CHN2: variants seen among roughly 807,000 people sequenced by gnomAD.
CHN2 encodes chimerin 2.
CHN2 carries 35 observed loss-of-function variants against 56.3 expected under a neutral mutation model. The observed-to-expected ratio is 0.62, with a 90% CI of 0.47 to 0.82. CHN2 has a LOEUF of 0.82. Ranked by LOEUF, CHN2 falls within the 40% of genes least tolerant of loss-of-function variation. The pLI, the probability that CHN2 is intolerant of heterozygous loss-of-function variation, is 0.00. For missense variants in CHN2, 491 were observed against 580.5 expected (o/e 0.85, Z 1.58); for synonymous variants, 210 against 212.8 (o/e 0.99, Z 0.12).
intron 5 of CHN2, among the ~76,000 whole-genome samples, chr7:29,399,243 C>T (rs1009263448): frequency 8.5e-5 from 13 of 152,190 alleles, no homozygotes; most frequent in Non-Finnish European, 1.5e-4. Flanking sequence ...GAGGCTGCAG[C>T]GTCTTTGCCT....
At chr7:29,409,457 G>A (rs1802988117) in intron 6 of CHN2, among the ~76,000 whole-genome samples, 1 of 152,084 alleles carries the variant, frequency 6.6e-6, no homozygotes, top group Non-Finnish European at 1.5e-5. Context: ...TGAGAATATT[G>A]GCATTGTTTT....
intron 2 of CHN2, among the ~76,000 whole-genome samples, chr7:29,161,958 A>G (rs1213384916): frequency 6.6e-6 from 1 of 152,242 alleles, no homozygotes; most frequent in African/African-American, 2.4e-5. Flanking sequence ...AATGTAAGTT[A>G]AAATCACCAA....
intron 6 of CHN2, among the ~76,000 whole-genome samples, chr7:29,450,923 A>G (rs535954323): frequency 2.6e-5 from 4 of 152,004 alleles, no homozygotes; most frequent in African/African-American, 9.6e-5. Flanking sequence ...GGCCCCCACC[A>G]TCACGCCCGG....
chr7:29,320,545 A>T (rs929639700), intron 1 of CHN2, among the ~76,000 whole-genome samples: 2 of 152,218 alleles, frequency 1.3e-5, no homozygotes, highest in Non-Finnish European at 2.9e-5. Flanking sequence ...TGAAAGAAAC[A>T]TCAAAACCAA....
intron 6 of CHN2, among the ~76,000 whole-genome samples, chr7:29,452,055 G>C (rs1322345214): frequency 6.6e-6 from 1 of 152,192 alleles, no homozygotes; most frequent in African/African-American, 2.4e-5. Flanking sequence ...ACTGAGACAG[G>C]CCACACTTGA....
intron 7 of CHN2, among the ~76,000 whole-genome samples, chr7:29,488,965 G>C (rs1035932086): frequency 6.6e-6 from 1 of 152,100 alleles, no homozygotes; most frequent in Non-Finnish European, 1.5e-5. Flanking sequence ...TTACAGTTTC[G>C]ATCCCAGGCT....
Position 29,286,998 on chromosome 7 carries a change from T to C in CHN2, c.50-67627T>C, listed in dbSNP as rs530421961. On this transcript the variant is annotated intron_variant, in intron 1 of 12. Coordinates refer to ENST00000222792, the MANE Select transcript of CHN2 (RefSeq NM_004067.4). ...ATTCACCTAGTATTCATTTACCATC[T>C]CTAATAACTATCTCCCTTCCCCTGG... 2.0e-4 allele frequency among the ~76,000 whole-genome samples: 31 copies of C among 152,304 alleles called. No individual in the cohort carries two copies. In the East Asian group the frequency reaches 6.0e-3, roughly 29 times the overall value.
intron 2 of CHN2, among the ~76,000 whole-genome samples, chr7:29,155,220 A>C (rs1450437188): frequency 6.6e-6 from 1 of 152,196 alleles, no homozygotes; most frequent in East Asian, 1.9e-4. Context: ...GAAAATAAAG[A>C]AGTATTATTA....
chr7:29,146,872 T>C (rs758765950), exon 2 of CHN2: 12 of 1,551,230 alleles, frequency 7.7e-6, no homozygotes, highest in Middle Eastern at 1.7e-4. Flanking sequence ...GCCCAGGATT[T>C]ACATTTGGAA....
chr7:29,497,002 AT>A (rs1254027463), intron 8 of CHN2, among the ~76,000 whole-genome samples: 1 of 152,162 alleles, frequency 6.6e-6, no homozygotes, highest in Admixed American at 6.5e-5. Flanking sequence ...GATCTTTCCC[AT>A]TTTGGCTCAC....
chr7:29,241,510 G>T (rs551345627), intron 1 of CHN2, among the ~76,000 whole-genome samples: 1 of 152,062 alleles, frequency 6.6e-6, no homozygotes, highest in Non-Finnish European at 1.5e-5. Flanking sequence ...ACCCTCTCCC[G>T]CCTGGCTGTC....
At chr7:29,498,758 C>CTTTTTTTTTTTT (rs138784356) in intron 8 of CHN2, among the ~76,000 whole-genome samples, 3 of 100,078 alleles carry the variant, frequency 3.0e-5, no homozygotes, top group African/African-American at 1.3e-4. Flanking sequence ...ACTATGCTGC[C>CTTTTTTTTTTTT]TTTTTTTTTT....
intron 6 of CHN2, among the ~76,000 whole-genome samples, chr7:29,468,145 C>CA (rs1785709145): frequency 9.4e-6 from 1 of 105,918 alleles, no homozygotes; most frequent in South Asian, 4.4e-4. Flanking sequence ...GACCCGCCCC[C>CA]CCCCCCCCCC....
intron 6 of CHN2, among the ~76,000 whole-genome samples, chr7:29,425,249 T>C (rs10264676): frequency 0.77 from 116,943 of 152,108 alleles, 45,390 homozygotes; most frequent in African/African-American, 0.81. Context: ...TCCAGATGAG[T>C]GCATTGTCTG....
chr7:29,371,779 C>G (rs950901498), intron 3 of CHN2, among the ~76,000 whole-genome samples: 2 of 152,160 alleles, frequency 1.3e-5, no homozygotes, highest in Non-Finnish European at 2.9e-5. Context: ...CTGTACTTCT[C>G]CCTTCCCTAC....
intron 7 of CHN2, among the ~76,000 whole-genome samples, chr7:29,490,140 G>C (rs116288587): frequency 0.024 from 3,363 of 138,316 alleles, 121 homozygotes; most frequent in African/African-American, 0.086. Context: ...AACACCATTT[G>C]CCAGAAAAGA....
At chr7:29,498,758 CTTTTT>C (rs138784356) in intron 8 of CHN2, among the ~76,000 whole-genome samples, 14 of 100,052 alleles carry the variant, frequency 1.4e-4, no homozygotes, top group Non-Finnish European at 2.0e-4. Flanking sequence ...ACTATGCTGC[CTTTTT>C]TTTTTTTTTT....
At chr7:29,252,578 G>GTTTTTTTTTC (rs1788668203) in intron 1 of CHN2, among the ~76,000 whole-genome samples, 1 of 19,488 alleles carries the variant, frequency 5.1e-5, no homozygotes. Flanking sequence ...TGCATTCTTT[G>GTTTTTTTTTC]TTTTTTTTTT....
intron 1 of CHN2, among the ~76,000 whole-genome samples, chr7:29,221,896 G>T (rs962077849): frequency 6.6e-6 from 1 of 152,102 alleles, no homozygotes; most frequent in African/African-American, 2.4e-5. Flanking sequence ...TGTCTTTGCT[G>T]TTGTGAATAG....
Sources: allele counts gnomAD v4.1 joint callset (sites outside exome capture counted in the v4.1 genomes callset), GRCh38; gene constraint gnomAD v4.1.1; transcripts MANE v1.5; gene names NCBI Gene and HGNC (gene_info 2026-07-23, HGNC 2026-07-21).